Variants in ANKS6 observed in about 807,000 individuals in gnomAD.
ANKS6 encodes the protein ankyrin repeat and SAM domain-containing protein 6.
Under a neutral mutation model 77.9 loss-of-function variants are expected in ANKS6, and 47 were observed. That is an observed-to-expected ratio of 0.60 (90% CI 0.48 to 0.77). ANKS6 has a LOEUF of 0.77. Among genes scored for constraint, ANKS6 ranks in the 30% least tolerant of loss-of-function variants. The pLI, the probability that ANKS6 is intolerant of heterozygous loss-of-function variation, is 0.00. For synonymous variants in ANKS6, 488 were observed against 501.7 expected (o/e 0.97, Z 0.37); for missense variants, 1,150 against 1,159.1 (o/e 0.99, Z 0.11).
chr9:98,755,003 T>A (rs982991623), intron 12 of ANKS6, among the ~76,000 whole-genome samples: 6 of 152,040 alleles, frequency 3.9e-5, no homozygotes, highest in Admixed American at 1.3e-4. Context: ...AATTCACGAG[T>A]GTGGAACTCA....
At chr9:98,768,457 C>T (rs1833427016) in intron 10 of ANKS6, among the ~76,000 whole-genome samples, 2 of 152,106 alleles carry the variant, frequency 1.3e-5, no homozygotes, top group South Asian at 2.1e-4. Context: ...GCTGCGAAGG[C>T]GTAATGGTAA....
At position 98,784,082 on chromosome 9, in the gene ANKS6, G is replaced by A. The variant is rs371131605; in HGVS notation, c.983C>T (p.Thr328Met). Reference sequence around the variant, plus strand: ...CGTAACAGCTGCTAGCATCAGTGGCGTCGCCCCGTCCCCATTGACCAAGTT... The same window carrying A: ...CGTAACAGCTGCTAGCATCAGTGGCATCGCCCCGTCCCCATTGACCAAGTT... Reference protein sequence around the residue: ...HVNLVNGDGATPLMLAAVTGQ... With the variant: ...HVNLVNGDGAMPLMLAAVTGQ... The change falls in exon 4 of 15, where the codon ACG (threonine) becomes ATG (methionine). Residue 328 changes from threonine (T) to methionine (M), a missense_variant. Thr to Met is a moderately conservative substitution (Grantham distance 81, BLOSUM62 -1). Coordinates refer to ENST00000353234, the MANE Select transcript of ANKS6 (RefSeq NM_173551.5). The A allele has an allele frequency of 1.2e-5, 20 of 1,606,038 alleles. No homozygotes were observed. In the African/African-American group the frequency reaches 1.3e-4, roughly 11 times the overall value.
Position 98,764,627 on chromosome 9 carries a change from C to T in ANKS6, c.2142+3454G>A, listed in dbSNP as rs553984706. ...TGACCTAACTTCAAGTTCACTGACT[C>T]TTTCCCTGGCGGCCTCAAGTCTACT... is the stretch of plus-strand genomic sequence containing the variant. On this transcript the variant is annotated intron_variant, in intron 11 of 14. Transcript: ENST00000353234. Among the ~76,000 whole-genome samples the T allele has an allele frequency of 1.9e-4, 29 of 152,318 alleles. 2 individuals carry two copies. In the South Asian group the frequency reaches 6.0e-3, roughly 32 times the overall value.
At chr9:98,744,533 A>T (rs530434545) in intron 14 of ANKS6, among the ~76,000 whole-genome samples, 2 of 152,344 alleles carry the variant, frequency 1.3e-5, no homozygotes, top group East Asian at 3.9e-4. Flanking sequence ...GAGGAAACGT[A>T]TGCAGTGATT....
At chr9:98,788,136 G>A (rs1205117216) in intron 2 of ANKS6, among the ~76,000 whole-genome samples, 1 of 152,206 alleles carries the variant, frequency 6.6e-6, no homozygotes, top group Non-Finnish European at 1.5e-5. Context: ...CTGCATCTTG[G>A]GGAAATGAGG....
At chr9:98,736,772 C>A (rs1319251715) in intron 14 of ANKS6, 149 bp from the exon 15 acceptor site, 2 of 1,031,428 alleles carry the variant, frequency 1.9e-6, no homozygotes, top group Non-Finnish European at 2.8e-6. Context: ...GAAAGAGTAC[C>A]GAGTTCAATA....
rs1171526848 is a variant in ANKS6, at chr9:98,791,842, A to AACAGCATG, written c.360-1244_360-1237dup. Among the ~76,000 whole-genome samples, 1 of 152,104 alleles carries AACAGCATG rather than the reference A, an allele frequency of 6.6e-6. No homozygotes were observed. Among genetic ancestry groups the AACAGCATG allele is most frequent in the African/African-American group, 2.4e-5 (1 of 41,422 alleles). On this transcript the variant is annotated intron_variant, in intron 1 of 14. Transcript: ENST00000353234. The surrounding 1 kb of genome is among the most constrained non-coding windows in gnomAD (Gnocchi z 4.3). ...GAATACCTTCTGGGATGTGAACCTG[A>AACAGCATG]ACAGCATGGGGCTACTCAGCCACGA...
At chr9:98,789,961 A>G in intron 2 of ANKS6, 143 bp downstream of exon 2, 1 of 1,249,018 alleles carries the variant, frequency 8.0e-7, no homozygotes, top group Admixed American at 2.4e-5. Context: ...CCGATACTTA[A>G]GCACACCACT....
intron 11 of ANKS6, among the ~76,000 whole-genome samples, chr9:98,757,150 TCA>T (rs1832758030): frequency 6.6e-6 from 1 of 152,210 alleles, no homozygotes; most frequent in South Asian, 2.1e-4. Flanking sequence ...CACATACCCC[TCA>T]CACAGCTTCC....
chr9:98,790,700 C>T, intron 1 of ANKS6, 94 bp from the exon 2 acceptor site: 1 of 1,475,204 alleles, frequency 6.8e-7, no homozygotes, highest in Non-Finnish European at 9.2e-7. Context: ...TTAGTCCTGA[C>T]AGCTGCTCAT....
In ANKS6 at chr9:98,790,236, G is replaced by A; in HGVS notation, c.730C>T (p.Leu244=). The part of the protein sequence containing the change: ...LTGRLGVAQQ[L]VEKGANPDHL... Reference sequence around the variant, plus strand: ...TCAGGGTTGGCGCCCTTCTCCACCAGCTGCTGGGCCACTCCAAGCCGCCCA... The same window carrying A: ...TCAGGGTTGGCGCCCTTCTCCACCAACTGCTGGGCCACTCCAAGCCGCCCA... The change falls in exon 2 of 15, where the codon CTG becomes TTG. Residue 244 remains leucine, a synonymous_variant. Coordinates refer to ENST00000353234, the MANE Select transcript of ANKS6 (RefSeq NM_173551.5). The A allele has an allele frequency of 6.2e-7, 1 of 1,606,790 alleles. No homozygotes were observed. Among genetic ancestry groups the A allele is most frequent in the Non-Finnish European group, 8.5e-7 (1 of 1,174,740 alleles).
intron 11 of ANKS6, among the ~76,000 whole-genome samples, chr9:98,760,127 A>G (rs1263121782): frequency 1.3e-5 from 2 of 152,162 alleles, no homozygotes; most frequent in Admixed American, 6.5e-5. Flanking sequence ...AAAAAAAATA[A>G]AAATTTAAAG....
intron 5 of ANKS6, 58 bp downstream of exon 5, chr9:98,782,409 G>A: frequency 6.7e-7 from 1 of 1,489,644 alleles, no homozygotes; most frequent in East Asian, 2.3e-5. Flanking sequence ...TGCCTGTCTT[G>A]ACTCCCAGTC....
At position 98,736,341 on chromosome 9, in the gene ANKS6, AGTTT is replaced by A; in HGVS notation, c.*174_*177del. 1 of 1,423,148 alleles carries A rather than the reference AGTTT, an allele frequency of 7.0e-7. No homozygotes were observed. Among genetic ancestry groups the A allele is most frequent in the Non-Finnish European group, 9.2e-7 (1 of 1,092,770 alleles). 88.2% of individuals were successfully genotyped at this position (1,423,148 alleles called of 1,614,324 possible). A position where few individuals can be genotyped will look rare whatever the true frequency, so the allele number is the denominator to read the frequency against. On this transcript the variant is annotated 3_prime_UTR_variant, in exon 15 of 15. Transcript: ENST00000353234. ...ATGGGAATCTGTCTCTGTGTGTTGA[AGTTT>A]GTTGCAGCAAGAAGTACTACCAATG...
chr9:98,732,700 T>A lies in ANKS6; in HGVS notation c.*3819A>T, dbSNP rs1217367082. 31 of 1,455,502 alleles carry A rather than the reference T, an allele frequency of 2.1e-5. No individual in the cohort carries two copies. The highest frequency in any genetic ancestry group is 2.6e-5 in the Non-Finnish European group (29 of 1,108,864). 90.2% of individuals were successfully genotyped at this position (1,455,502 alleles called of 1,614,324 possible). On this transcript the variant is annotated 3_prime_UTR_variant, in exon 15 of 15. Transcript: ENST00000353234. ...CTTTCACATGATCCCTGGGGGCTAC[T>A]ATCCCCCTGTAACCAAAAGGGAAAC...
rs534786972 is a variant in ANKS6, at chr9:98,733,741, C to T, written c.*2778G>A. 5.1e-6 allele frequency: 5 copies of T among 985,490 alleles called. No individual in the cohort carries two copies. In the South Asian group the frequency reaches 1.4e-4, roughly 28 times the overall value. The allele number at this position is 985,490 out of a possible 1,614,324, so 61.0% of individuals were successfully genotyped here. ...CTGGCATGCTGAAGGTTGTGAGAGGCCTGTAGCAAAGATGATCGTGTAGCT... is the reference window on the plus strand; with the variant it reads ...CTGGCATGCTGAAGGTTGTGAGAGGTCTGTAGCAAAGATGATCGTGTAGCT... On this transcript the variant is annotated 3_prime_UTR_variant, in exon 15 of 15. Coordinates refer to ENST00000353234, the MANE Select transcript of ANKS6 (RefSeq NM_173551.5).
At chr9:98,748,530 T>G (rs569994271) in intron 13 of ANKS6, among the ~76,000 whole-genome samples, 1 of 152,234 alleles carries the variant, frequency 6.6e-6, no homozygotes, top group South Asian at 2.1e-4. Context: ...TAATAAAGAC[T>G]GTGTGGGACT....
intron 14 of ANKS6, among the ~76,000 whole-genome samples, chr9:98,743,982 T>C (rs1169609153): frequency 2.0e-5 from 3 of 152,126 alleles, no homozygotes; most frequent in Non-Finnish European, 4.4e-5. Flanking sequence ...ACAACCTCCA[T>C]ACCTGCCTTA....
Position 98,734,211 on chromosome 9 carries a change from C to A in ANKS6, c.*2308G>T, listed in dbSNP as rs768809909. On this transcript the variant is annotated 3_prime_UTR_variant, in exon 15 of 15. Coordinates refer to ENST00000353234, the MANE Select transcript of ANKS6 (RefSeq NM_173551.5). ...GATGAAAAGCCTTGGACACTTGAGT[C>A]CAGTGAAAAAGAAAGGAAAGGCATT... is the stretch of plus-strand genomic sequence containing the variant. 4.1e-6 allele frequency: 4 copies of A among 985,406 alleles called. No individual in the cohort carries two copies. The East Asian group carries it at 4.5e-4, about 112-fold the overall frequency. 61.0% of individuals were successfully genotyped at this position (985,406 alleles called of 1,614,324 possible).
Sources: allele counts gnomAD v4.1 joint callset (sites outside exome capture counted in the v4.1 genomes callset), GRCh38; gene constraint gnomAD v4.1.1; non-coding constraint Gnocchi (gnomAD v3.1); transcripts MANE v1.5; gene names NCBI Gene and HGNC (gene_info 2026-07-23, HGNC 2026-07-21).